Variants in KIF1B observed in about 807,000 individuals in gnomAD.
KIF1B encodes the protein kinesin-like protein KIF1B.
A neutral mutation model predicts 241.9 loss-of-function variants in KIF1B; 76 were observed. The ratio of observed to expected loss-of-function variants is 0.31; its 90% CI spans 0.26 to 0.38. The LOEUF (loss-of-function observed/expected upper bound fraction) is 0.38. Ranked by LOEUF, KIF1B falls within the 10% of genes least tolerant of loss-of-function variation. KIF1B has a pLI of 1.00. For synonymous variants in KIF1B, 750 were observed against 796.7 expected (o/e 0.94, Z 0.99); for missense variants, 1,622 against 2,271.4 (o/e 0.71, Z 5.81).
intron 27 of KIF1B, among the ~76,000 whole-genome samples, chr1:10,330,709 T>C (rs1651888024): frequency 6.6e-6 from 1 of 152,214 alleles, no homozygotes. Flanking sequence ...TGTTCCCTTA[T>C]GCACATAGAT....
In KIF1B at chr1:10,342,076, T is replaced by C. The variant is rs1557725467; in HGVS notation, c.3540T>C (p.Phe1180=). The C allele has an allele frequency of 6.2e-7, 1 of 1,611,776 alleles. No homozygotes were observed. Among genetic ancestry groups the C allele is most frequent in the Non-Finnish European group, 8.5e-7 (1 of 1,177,822 alleles). ...TTGCAGTGGAGATCACTGAATCATT[T>C]GTGGATTACATCAAAACCAAGCCTA... ...QNIAVEITES[F]VDYIKTKPIV... is the part of the protein sequence containing the mutation. The change falls in exon 33 of 49, where the codon TTT becomes TTC. Residue 1180 remains phenylalanine (F), a synonymous_variant. Transcript: ENST00000676179.
intron 43 of KIF1B, among the ~76,000 whole-genome samples, chr1:10,366,444 T>G (rs546952517): frequency 6.6e-6 from 1 of 151,004 alleles, no homozygotes; most frequent in Admixed American, 6.6e-5. Context: ...AGGGAGGCAG[T>G]GGTGTCCTGC....
chr1:10,341,099 A>C (rs1287403555), intron 32 of KIF1B, among the ~76,000 whole-genome samples: 1 of 152,266 alleles, frequency 6.6e-6, no homozygotes, highest in South Asian at 2.1e-4. Flanking sequence ...ATGCAGATGA[A>C]TCTCAGATGC....
rs546385814 is a variant in KIF1B at position 10,262,210 on chromosome 1, C to T, written c.429+240C>T. On this transcript the variant is annotated intron_variant, in intron 5 of 48. Transcript: ENST00000676179. ...TTGCCCAGGCCCTGGAGTGCAGTGG[C>T]GTGATCACAGCTCACTGCAGCCTTG... 8.5e-5 allele frequency among the ~76,000 whole-genome samples: 13 copies of T among 152,150 alleles called. 1 individual carries two copies. The East Asian group carries it at 1.2e-3, about 14-fold the overall frequency.
At chr1:10,211,449 G>A (rs1646692091) in intron 1 of KIF1B, among the ~76,000 whole-genome samples, 1 of 152,212 alleles carries the variant, frequency 6.6e-6, no homozygotes, top group Admixed American at 6.5e-5. Flanking sequence ...GAGGAAGGCT[G>A]GTGTGGTCTC....
chr1:10,316,390 A>AT (rs1286503325), intron 22 of KIF1B, among the ~76,000 whole-genome samples: 1 of 151,656 alleles, frequency 6.6e-6, no homozygotes, highest in Non-Finnish European at 1.5e-5. Context: ...CATTGTAAAT[A>AT]TATCATTTCC....
At chr1:10,246,363 T>C (rs527568039) in intron 2 of KIF1B, among the ~76,000 whole-genome samples, 8 of 152,320 alleles carry the variant, frequency 5.3e-5, no homozygotes, top group African/African-American at 1.9e-4. Context: ...TTTTTGCCAT[T>C]TCTACTCTAG....
rs755619758 is a variant in KIF1B at position 10,295,708 on chromosome 1, G to A, written c.1719G>A (p.Gly573=). The A allele has an allele frequency of 2.5e-6, 4 of 1,613,816 alleles. No homozygotes were observed. The South Asian group carries it at 4.4e-5, about 18-fold the overall frequency. Reference sequence around the variant, plus strand: ...GGCGCCAGGACATAGTGCTGAGCGGGGCTCACATTAAAGAAGAGCATTGTA... The same window carrying A: ...GGCGCCAGGACATAGTGCTGAGCGGAGCTCACATTAAAGAAGAGCATTGTA... ...AERRQDIVLS[G]AHIKEEHCIF... The change falls in exon 19 of 49, where the codon GGG becomes GGA. Residue 573 remains glycine, a synonymous_variant. Transcript: ENST00000676179.
At chr1:10,222,317 T>C (rs1012086965) in intron 1 of KIF1B, among the ~76,000 whole-genome samples, 1 of 151,636 alleles carries the variant, frequency 6.6e-6, no homozygotes, top group African/African-American at 2.4e-5. Flanking sequence ...TGTAGGAAGG[T>C]GGTGGCTAGT....
intron 38 of KIF1B, among the ~76,000 whole-genome samples, chr1:10,354,523 AAC>A (rs1292543433): frequency 6.6e-6 from 1 of 152,232 alleles, no homozygotes; most frequent in Admixed American, 6.5e-5. Flanking sequence ...ACCCAAACTT[AAC>A]AGTTATTTTT....
At position 10,337,325 on chromosome 1, in the gene KIF1B, CTT is replaced by C; in HGVS notation, c.3260-44_3260-43del. 1 of 1,613,768 alleles carries C rather than the reference CTT, an allele frequency of 6.2e-7. No homozygotes were observed. Among genetic ancestry groups the C allele is most frequent in the Non-Finnish European group, 8.5e-7 (1 of 1,179,618 alleles). On this transcript the variant is annotated intron_variant, in intron 30 of 48. Transcript: ENST00000676179. The surrounding 1 kb of genome is among the most constrained non-coding windows in gnomAD (Gnocchi z 4.0). ...TGGAAAGCATGCCCAACTCCCTCCT[CTT>C]TGCATTATTTGAACCATCTGTGTCT... is the stretch of plus-strand genomic sequence containing the variant.
chr1:10,376,453 G>C, intron 48 of KIF1B, 92 bp from the exon 49 acceptor site: 1 of 1,284,322 alleles, frequency 7.8e-7, no homozygotes, highest in East Asian at 2.3e-5. Context: ...ATAGGAAGAT[G>C]CTCCAGGAGG....
chr1:10,278,514 C>A, intron 13 of KIF1B: 1 of 257,108 alleles, frequency 3.9e-6, no homozygotes, highest in South Asian at 4.3e-5. Context: ...TCATGGGTTG[C>A]TCTGGATTAG....
At chr1:10,319,709 A>G (rs1378244456) in intron 22 of KIF1B, among the ~76,000 whole-genome samples, 3 of 152,188 alleles carry the variant, frequency 2.0e-5, no homozygotes, top group Admixed American at 6.6e-5. Context: ...AATATATTCT[A>G]ACGCTTAAGG....
intron 5 of KIF1B, among the ~76,000 whole-genome samples, chr1:10,262,979 C>T (rs1410747617): frequency 6.6e-6 from 1 of 152,062 alleles, no homozygotes; most frequent in East Asian, 1.9e-4. Context: ...ATTTGATAAA[C>T]ATTCTCTCTG....
intron 2 of KIF1B, among the ~76,000 whole-genome samples, chr1:10,240,936 A>T (rs988429461): frequency 1.3e-5 from 2 of 152,074 alleles, no homozygotes; most frequent in South Asian, 4.1e-4. Flanking sequence ...TATGAACCAT[A>T]CTTCATTTAT....
At chr1:10,334,430 C>G (rs1346279607) in intron 27 of KIF1B, 90 bp from the exon 28 acceptor site, 3 of 1,000,056 alleles carry the variant, frequency 3.0e-6, no homozygotes, top group Non-Finnish European at 4.8e-6. Flanking sequence ...AGTCAGCTCA[C>G]AGTTGCAGGA....
At chr1:10,232,222 C>T (rs898562068) in intron 1 of KIF1B, 28 bp from the exon 2 acceptor site, 2 of 764,348 alleles carry the variant, frequency 2.6e-6, no homozygotes, top group South Asian at 1.5e-5. Context: ...TTCTGACTAC[C>T]TCATATGGAA....
At chr1:10,310,669 A>G (rs1651029192) in intron 22 of KIF1B, among the ~76,000 whole-genome samples, 1 of 151,564 alleles carries the variant, frequency 6.6e-6, no homozygotes, top group South Asian at 2.1e-4. Flanking sequence ...TATGTAATCT[A>G]GAAGACAGAT....
Sources: allele counts gnomAD v4.1 joint callset (sites outside exome capture counted in the v4.1 genomes callset), GRCh38; gene constraint gnomAD v4.1.1; non-coding constraint Gnocchi (gnomAD v3.1); transcripts MANE v1.5; gene names NCBI Gene and HGNC (gene_info 2026-07-23, HGNC 2026-07-21).